MECOM: variants seen among roughly 807,000 people sequenced by gnomAD.
MECOM encodes the protein MDS1 and EVI1 complex locus, also known as histone-lysine N-methyltransferase MECOM.
MECOM carries 13 observed loss-of-function variants against 116.3 expected under a neutral mutation model. That is an observed-to-expected ratio of 0.11 (90% CI 0.07 to 0.18). The LOEUF (loss-of-function observed/expected upper bound fraction) is 0.18. Ranked by LOEUF, MECOM falls within the 10% of genes least tolerant of loss-of-function variation. The probability of loss-of-function intolerance (pLI) is 1.00; values close to 1 mark genes in which losing one functional copy is unlikely to be tolerated. For synonymous variants in MECOM, 528 were observed against 535.2 expected, an observed-to-expected ratio of 0.99 and a Z score of 0.19; for missense variants, 1,299 against 1,509.0, an observed-to-expected ratio of 0.86 and a Z score of 2.31.
intron 1 of MECOM, among the ~76,000 whole-genome samples, chr3:169,487,750 A>G (rs866812588): frequency 1.2e-4 from 14 of 116,758 alleles, no homozygotes; most frequent in South Asian, 9.1e-4. Context: ...AAATCCAGCT[A>G]TGTGTTATTT....
At chr3:169,173,548 A>G (rs1171548474) in intron 2 of MECOM, among the ~76,000 whole-genome samples, 1 of 152,122 alleles carries the variant, frequency 6.6e-6, no homozygotes, top group Admixed American at 6.5e-5. Context: ...GGCTTGTACT[A>G]TCTTAGCCTC....
intron 2 of MECOM, among the ~76,000 whole-genome samples, chr3:169,244,473 A>T (rs1755313525): frequency 6.6e-6 from 1 of 152,134 alleles, no homozygotes; most frequent in South Asian, 2.1e-4. Flanking sequence ...GCCACAGGCG[A>T]TCTAATTTTT....
At chr3:169,510,230 G>A (rs1755802140) in intron 1 of MECOM, among the ~76,000 whole-genome samples, 1 of 152,298 alleles carries the variant, frequency 6.6e-6, no homozygotes, top group South Asian at 2.1e-4. Context: ...CTCTGTGATT[G>A]GGATGTGAAG....
At chr3:169,125,214 G>C (rs1287774773) in intron 5 of MECOM, among the ~76,000 whole-genome samples, 1 of 152,024 alleles carries the variant, frequency 6.6e-6, no homozygotes, top group Non-Finnish European at 1.5e-5. Context: ...TCTACGATAT[G>C]TAATCCTCTG....
intron 1 of MECOM, among the ~76,000 whole-genome samples, chr3:169,597,264 T>A (rs1028366270): frequency 1.3e-5 from 2 of 152,216 alleles, no homozygotes; most frequent in African/African-American, 2.4e-5. Flanking sequence ...TCATACTAAA[T>A]GACAGCTCAG....
At chr3:169,528,599 T>C (rs1758217315) in intron 1 of MECOM, among the ~76,000 whole-genome samples, 2 of 152,250 alleles carry the variant, frequency 1.3e-5, no homozygotes, top group African/African-American at 4.8e-5. Flanking sequence ...AATCTGATGA[T>C]GTGAATGAAT....
In MECOM at chr3:169,610,498, CGT is replaced by C. The variant is rs3045470; in HGVS notation, c.37+52836_37+52837del. 7.7e-3 allele frequency among the ~76,000 whole-genome samples: 984 copies of C among 128,560 alleles called. 11 individuals are homozygous for C. Among genetic ancestry groups the C allele is most frequent in the African/African-American group, 0.023 (783 of 34,512 alleles). 84.3% of individuals were successfully genotyped at this position (128,560 alleles called of 152,430 possible). A position where few individuals can be genotyped will look rare whatever the true frequency, so the allele number is the denominator to read the frequency against. ...GGTAAATGATATATATGTAATGTTACGTGTGTGTGTGTGTGTGTGTGTGTGTG... is the reference window on the plus strand; with the variant it reads ...GGTAAATGATATATATGTAATGTTACGTGTGTGTGTGTGTGTGTGTGTGTG... On this transcript the variant is annotated intron_variant, in intron 1 of 16. Coordinates refer to ENST00000651503, the MANE Select transcript of MECOM (RefSeq NM_004991.4).
chr3:169,584,455 C>A (rs1765530576), intron 1 of MECOM, among the ~76,000 whole-genome samples: 1 of 151,086 alleles, frequency 6.6e-6, no homozygotes, highest in African/African-American at 2.4e-5. Flanking sequence ...GTCCCAGCTA[C>A]TCAGGAGGCT....
At chr3:169,439,431 A>G (rs1208026709) in intron 1 of MECOM, among the ~76,000 whole-genome samples, 1 of 151,432 alleles carries the variant, frequency 6.6e-6, no homozygotes, top group Non-Finnish European at 1.5e-5. Context: ...AAAATAAATA[A>G]GACTAAAACA....
chr3:169,341,739 CA>C lies in MECOM; in HGVS notation c.375+39447del, dbSNP rs578130947. On this transcript the variant is annotated intron_variant, in intron 2 of 16. Coordinates refer to ENST00000651503, the MANE Select transcript of MECOM (RefSeq NM_004991.4). ...TGAGTGACAGAGTGAGACTCCCTCT[CA>C]AAAAAAAAAAAAGAACAAATGAATA... 1.5e-3 allele frequency among the ~76,000 whole-genome samples: 181 copies of C among 121,736 alleles called. 1 individual carries two copies. Among genetic ancestry groups the C allele is most frequent in the Non-Finnish European group, 1.5e-3 (84 of 57,910 alleles). 79.9% of individuals were successfully genotyped at this position (121,736 alleles called of 152,430 possible). A position where few individuals can be genotyped will look rare whatever the true frequency, so the allele number is the denominator to read the frequency against.
At position 169,516,987 on chromosome 3, in the gene MECOM, T is replaced by C. The variant is rs576134339; in HGVS notation, c.38-135463A>G. The stretch of plus-strand genomic sequence containing the variant: ...ATCATATACTTTGTGGCATGAGCAA[T>C]AGGAACTTTCCTTTCAGGTCACTGA... On this transcript the variant is annotated intron_variant, in intron 1 of 16. Coordinates refer to ENST00000651503, the MANE Select transcript of MECOM (RefSeq NM_004991.4). 2.0e-4 allele frequency among the ~76,000 whole-genome samples: 31 copies of C among 152,286 alleles called. 1 individual carries two copies. The highest frequency in any genetic ancestry group is 1.0e-4 in the Non-Finnish European group (7 of 68,020).
At chr3:169,149,947 G>C (rs867651593) in intron 2 of MECOM, among the ~76,000 whole-genome samples, 2,874 of 147,182 alleles carry the variant, frequency 0.02, 63 homozygotes, top group South Asian at 0.087. Flanking sequence ...GTGTGTGTGT[G>C]TGTGTGTGTG....
chr3:169,541,873 G>T (rs979289264), intron 1 of MECOM, among the ~76,000 whole-genome samples: 11 of 152,194 alleles, frequency 7.2e-5, no homozygotes, highest in Admixed American at 3.3e-4. Context: ...ATTCTGAGAT[G>T]CTACTGGGGA....
At chr3:169,661,795 G>C (rs902725461) in intron 1 of MECOM, among the ~76,000 whole-genome samples, 1 of 152,162 alleles carries the variant, frequency 6.6e-6, no homozygotes, top group Non-Finnish European at 1.5e-5. Flanking sequence ...CGAGGGTCGC[G>C]CGGGGGGAGA....
intron 1 of MECOM, among the ~76,000 whole-genome samples, chr3:169,620,282 TA>T (rs1770555959): frequency 6.6e-6 from 1 of 152,192 alleles, no homozygotes; most frequent in Non-Finnish European, 1.5e-5. Context: ...ATTAGGCAAA[TA>T]ACATTCATTT....
intron 1 of MECOM, among the ~76,000 whole-genome samples, chr3:169,609,062 C>G (rs949410798): frequency 6.6e-6 from 1 of 152,166 alleles, no homozygotes; most frequent in Admixed American, 6.5e-5. Flanking sequence ...TTTCTGCTGA[C>G]CTTATCGACA....
At chr3:169,618,136 G>A (rs1328855399) in intron 1 of MECOM, among the ~76,000 whole-genome samples, 1 of 152,086 alleles carries the variant, frequency 6.6e-6, no homozygotes, top group African/African-American at 2.4e-5. Flanking sequence ...GTCCCAATAT[G>A]GGGCCATGGC....
rs976475529 is a variant in MECOM at position 169,084,187 on chromosome 3, T to A, written c.*722A>T. The A allele has an allele frequency of 1.7e-5, 4 of 232,046 alleles. No homozygotes were observed. In the Admixed American group the frequency reaches 2.3e-4, roughly 13 times the overall value. 14.4% of individuals were successfully genotyped at this position (232,046 alleles called of 1,614,324 possible). On this transcript the variant is annotated 3_prime_UTR_variant, in exon 17 of 17. Coordinates refer to ENST00000651503, the MANE Select transcript of MECOM (RefSeq NM_004991.4). ...GTGACATGATTGTCTAAAATTAAGA[T>A]GTTATTACAAGGATTTGGCAAACAA...
intron 14 of MECOM, among the ~76,000 whole-genome samples, chr3:169,092,451 T>C (rs568232126): frequency 2.6e-5 from 4 of 152,118 alleles, no homozygotes; most frequent in African/African-American, 7.2e-5. Context: ...CATATATGTA[T>C]TTATGTATAA....
Sources: gnomAD v4.1 joint callset for allele counts (sites outside exome capture counted in the v4.1 genomes callset) on GRCh38, gnomAD v4.1.1 for gene constraint, MANE v1.5 for transcripts, NCBI Gene and HGNC (gene_info 2026-07-23, HGNC 2026-07-21) for gene names.